Variants in PRELID2 observed in about 807,000 individuals in gnomAD.
PRELID2 encodes the protein PRELI domain containing 2.
A neutral mutation model predicts 28.4 loss-of-function variants in PRELID2; 25 were observed. That is an observed-to-expected ratio of 0.88 (90% CI 0.64 to 1.23). The LOEUF is 1.23. Ranked by LOEUF, PRELID2 falls within the 50% of genes most tolerant of loss-of-function variation. The pLI is 0.00. For missense variants in PRELID2, 201 were observed against 214.4 expected (o/e 0.94, Z 0.39); for synonymous variants, 76 against 71.6 (o/e 1.06, Z -0.31).
At position 145,757,528 on chromosome 5, in the gene PRELID2, T is replaced by G. The variant is rs1757294589; in HGVS notation, c.*3008A>C. Among the ~76,000 whole-genome samples, 1 of 152,108 alleles carries G rather than the reference T, an allele frequency of 6.6e-6. No individual in the cohort carries two copies. ...GGTCTGTGAATTAACCCTTTCCCACTCTTGTTTCTAGTGTGCCCAATAAGC... is the reference window on the plus strand; with the variant it reads ...GGTCTGTGAATTAACCCTTTCCCACGCTTGTTTCTAGTGTGCCCAATAAGC... On this transcript the variant is annotated 3_prime_UTR_variant, in exon 7 of 7. Coordinates refer to ENST00000683046, the MANE Select transcript of PRELID2 (RefSeq NM_205846.3).
the PRELID2 span, among the ~76,000 whole-genome samples, chr5:145,292,439 T>A: frequency 0.4 from 60,758 of 151,856 alleles, 13,199 homozygotes; most frequent in African/African-American, 0.57. Flanking sequence ...GACCATGCAC[T>A]CAAACTGCTA....
intron 3 of PRELID2, chr5:145,819,623 C>T: frequency 3.5e-6 from 2 of 577,056 alleles, no homozygotes; most frequent in Non-Finnish European, 6.0e-6. Context: ...CATTTCTGAT[C>T]ATTCTCACCT....
At chr5:145,484,851 C>CATCTTTAT (rs1242863022) in intron 1 of PRELID2, among the ~76,000 whole-genome samples, 1 of 152,140 alleles carries the variant, frequency 6.6e-6, no homozygotes, top group Non-Finnish European at 1.5e-5. Context: ...TATTAATGAG[C>CATCTTTAT]ATCTTTATGT....
At chr5:145,542,748 AATTT>A (rs1752753488) in intron 1 of PRELID2, among the ~76,000 whole-genome samples, 1 of 98,328 alleles carries the variant, frequency 1.0e-5, no homozygotes, top group Admixed American at 1.2e-4. Context: ...TATACATTGT[AATTT>A]CTTTCTTTCT....
intron 1 of PRELID2, among the ~76,000 whole-genome samples, chr5:145,596,872 A>G (rs1399803440): frequency 6.6e-6 from 1 of 152,170 alleles, no homozygotes; most frequent in African/African-American, 2.4e-5. Context: ...ATTTTATGCT[A>G]AAGAAACTGC....
chr5:145,441,730 C>T, the PRELID2 span, among the ~76,000 whole-genome samples: 3 of 152,096 alleles, frequency 2.0e-5, no homozygotes, highest in Admixed American at 1.3e-4. Flanking sequence ...TGAAGGCACA[C>T]AGCCTCCACC....
chr5:145,468,028 T>A (rs537877963), downstream of PRELID2, among the ~76,000 whole-genome samples: 6 of 152,156 alleles, frequency 3.9e-5, no homozygotes, highest in East Asian at 1.2e-3. Flanking sequence ...TAACTCGTCA[T>A]TTACATTAGG....
At chr5:145,487,851 C>T (rs945702420) in intron 1 of PRELID2, among the ~76,000 whole-genome samples, 7 of 151,202 alleles carry the variant, frequency 4.6e-5, no homozygotes, top group South Asian at 4.2e-4. Flanking sequence ...GGAGGCCGGG[C>T]GCGTGGCTCA....
At chr5:145,247,993 G>C in the PRELID2 span, among the ~76,000 whole-genome samples, 1 of 152,126 alleles carries the variant, frequency 6.6e-6, no homozygotes, top group Non-Finnish European at 1.5e-5. Context: ...CATTTGGAGA[G>C]TAGCTAGAGT....
chr5:145,255,747 C>T, the PRELID2 span, among the ~76,000 whole-genome samples: 1 of 152,074 alleles, frequency 6.6e-6, no homozygotes, highest in East Asian at 1.9e-4. Context: ...CAAAACTGCA[C>T]TCCAGCCTGG....
chr5:145,247,194 A>G, the PRELID2 span, among the ~76,000 whole-genome samples: 3,744 of 152,042 alleles, frequency 0.025, 153 homozygotes, highest in African/African-American at 0.086. Context: ...CTTCACTTTG[A>G]CCCCGTTTGA....
At chr5:145,722,229 C>T (rs1409379250) in intron 1 of PRELID2, among the ~76,000 whole-genome samples, 1 of 152,030 alleles carries the variant, frequency 6.6e-6, no homozygotes, top group Non-Finnish European at 1.5e-5. Flanking sequence ...ATATTACCGA[C>T]AACACTCTCA....
chr5:145,308,218 G>T, the PRELID2 span, among the ~76,000 whole-genome samples: 6 of 152,138 alleles, frequency 3.9e-5, no homozygotes, highest in Non-Finnish European at 8.8e-5. Context: ...ATGCCCAGCA[G>T]TCCCAGGATA....
chr5:145,244,961 T>C, the PRELID2 span, among the ~76,000 whole-genome samples: 6 of 152,136 alleles, frequency 3.9e-5, no homozygotes, highest in Non-Finnish European at 8.8e-5. Flanking sequence ...CTTCTCTGAC[T>C]CATTTCCAAA....
At chr5:145,776,578 A>G (rs1312778420) in intron 5 of PRELID2, among the ~76,000 whole-genome samples, 1 of 152,266 alleles carries the variant, frequency 6.6e-6, no homozygotes, top group Non-Finnish European at 1.5e-5. Context: ...GTGTATGTAG[A>G]GTTCCATACT....
chr5:145,444,101 A>G, the PRELID2 span, among the ~76,000 whole-genome samples: 2 of 152,062 alleles, frequency 1.3e-5, no homozygotes, highest in Admixed American at 1.3e-4. Context: ...TATCCTATTT[A>G]GGAGAGGATG....
the PRELID2 span, among the ~76,000 whole-genome samples, chr5:145,364,312 C>T: frequency 6.6e-6 from 1 of 151,980 alleles, no homozygotes; most frequent in African/African-American, 2.4e-5. Flanking sequence ...CTGGGGGATG[C>T]ATTACAACTA....
the PRELID2 span, among the ~76,000 whole-genome samples, chr5:145,280,558 G>A: frequency 5.9e-5 from 9 of 152,086 alleles, no homozygotes; most frequent in African/African-American, 1.4e-4. Context: ...GCTAAAGGAC[G>A]AGTTAATGGG....
chr5:145,663,334 C>T (rs1163720174), intron 1 of PRELID2, among the ~76,000 whole-genome samples: 1 of 152,126 alleles, frequency 6.6e-6, no homozygotes, highest in Non-Finnish European at 1.5e-5. Flanking sequence ...TCAATAGTTG[C>T]TATCCATCTT....
Sources: allele counts gnomAD v4.1 joint callset (sites outside exome capture counted in the v4.1 genomes callset), GRCh38; gene constraint gnomAD v4.1.1; transcripts MANE v1.5; gene names NCBI Gene and HGNC (gene_info 2026-07-23, HGNC 2026-07-21).